SH3BGRL2: variants seen among roughly 807,000 people sequenced by gnomAD.
SH3BGRL2 encodes the protein SH3 domain-binding glutamic acid-rich-like protein 2.
In SH3BGRL2, 21 loss-of-function variants were observed where a neutral mutation model predicts 14.8. The ratio of observed to expected loss-of-function variants is 1.42; its 90% CI spans 1.01 to 2.05. The LOEUF is 2.05. Ranked by LOEUF, SH3BGRL2 falls within the 30% of genes most tolerant of loss-of-function variation. The pLI is 0.00. For missense variants in SH3BGRL2, 147 were observed against 130.8 expected, an observed-to-expected ratio of 1.12 and a Z score of -0.61; for synonymous variants, 50 against 47.8, an observed-to-expected ratio of 1.05 and a Z score of -0.19.
At chr6:79,555,664 C>T in the SH3BGRL2 span, among the ~76,000 whole-genome samples, 1 of 152,010 alleles carries the variant, frequency 6.6e-6, no homozygotes, top group Non-Finnish European at 1.5e-5. Context: ...CGTGCACCAC[C>T]ATGCCCAGCT....
chr6:79,582,110 A>AC, the SH3BGRL2 span, among the ~76,000 whole-genome samples: 1 of 152,176 alleles, frequency 6.6e-6, no homozygotes, highest in Admixed American at 6.6e-5. Flanking sequence ...GGAGAACTAC[A>AC]AACCTCTGCT....
chr6:79,648,333 T>TTA (rs1180383099), intron 1 of SH3BGRL2, among the ~76,000 whole-genome samples: 4 of 141,534 alleles, frequency 2.8e-5, no homozygotes, highest in South Asian at 2.2e-4. Flanking sequence ...CTTATATATA[T>TTA]TATATATATA....
chr6:79,631,366 C>A lies in SH3BGRL2; in HGVS notation c.-96C>A. The A allele has an allele frequency of 8.5e-7, 1 of 1,177,636 alleles. No homozygotes were observed. The highest frequency in any genetic ancestry group is 3.1e-5 in the East Asian group (1 of 31,834). 72.9% of individuals were successfully genotyped at this position (1,177,636 alleles called of 1,614,324 possible). On this transcript the variant is annotated 5_prime_UTR_variant, in exon 1 of 4. Coordinates refer to ENST00000369838, the MANE Select transcript of SH3BGRL2 (RefSeq NM_031469.4). The stretch of plus-strand genomic sequence containing the variant: ...TCTTCCCCGACGGCAGCGCTTTACC[C>A]AGAGGCTGCCGGCGGCTCGTAGCTG...
chr6:79,589,474 C>G, the SH3BGRL2 span, among the ~76,000 whole-genome samples: 1 of 151,988 alleles, frequency 6.6e-6, no homozygotes, highest in East Asian at 1.9e-4. Flanking sequence ...GTCAATCATT[C>G]TATAGTACCA....
chr6:79,611,284 A>G, the SH3BGRL2 span, among the ~76,000 whole-genome samples: 1 of 152,184 alleles, frequency 6.6e-6, no homozygotes, highest in Non-Finnish European at 1.5e-5. Context: ...TTCCTGACAC[A>G]AAGAAGGTAC....
the SH3BGRL2 span, among the ~76,000 whole-genome samples, chr6:79,551,247 A>G: frequency 1.3e-5 from 2 of 152,292 alleles, no homozygotes; most frequent in African/African-American, 4.8e-5. Context: ...TAAAAGTTCT[A>G]TTGAATTATA....
the SH3BGRL2 span, among the ~76,000 whole-genome samples, chr6:79,576,228 G>C: frequency 6.6e-6 from 1 of 151,796 alleles, no homozygotes; most frequent in African/African-American, 2.4e-5. Context: ...TCTTTGTTTA[G>C]GCATAAGCAC....
intron 2 of SH3BGRL2, among the ~76,000 whole-genome samples, chr6:79,693,631 T>G (rs993945174): frequency 2.6e-5 from 4 of 152,142 alleles, no homozygotes; most frequent in Non-Finnish European, 5.9e-5. Context: ...GGTTTTTGTC[T>G]TTGGTTCTGT....
the SH3BGRL2 span, among the ~76,000 whole-genome samples, chr6:79,540,386 G>T: frequency 6.6e-6 from 1 of 152,068 alleles, no homozygotes; most frequent in Non-Finnish European, 1.5e-5. Context: ...AGTGAGCCGA[G>T]ATCGCGCCAC....
At chr6:79,545,536 A>G in the SH3BGRL2 span, among the ~76,000 whole-genome samples, 1 of 152,226 alleles carries the variant, frequency 6.6e-6, no homozygotes, top group Non-Finnish European at 1.5e-5. Flanking sequence ...TTTTGTCTTC[A>G]TAATTATAGG....
the SH3BGRL2 span, among the ~76,000 whole-genome samples, chr6:79,608,368 C>T: frequency 9.2e-5 from 14 of 152,288 alleles, no homozygotes; most frequent in African/African-American, 3.1e-4. Flanking sequence ...CCAAGATGTA[C>T]CAGGATCATC....
chr6:79,700,701 T>C lies in SH3BGRL2; in HGVS notation c.*1192T>C, dbSNP rs1227526405. 6.6e-6 allele frequency: 1 copy of C among 152,252 alleles called. No homozygotes were observed. The highest frequency in any genetic ancestry group is 1.5e-5 in the Non-Finnish European group (1 of 68,042). The allele number at this position is 152,252 out of a possible 1,614,324, so 9.4% of individuals were successfully genotyped here. A position where few individuals can be genotyped will look rare whatever the true frequency, so the allele number is the denominator to read the frequency against. On this transcript the variant is annotated 3_prime_UTR_variant, in exon 4 of 4. Coordinates refer to ENST00000369838, the MANE Select transcript of SH3BGRL2 (RefSeq NM_031469.4). ...GGAATTGTACTTGTCAAGCAAAATC[T>C]ATACTCCTATTGGAGTGGATGCTGA...
chr6:79,621,659 C>G, the SH3BGRL2 span, among the ~76,000 whole-genome samples: 1 of 152,180 alleles, frequency 6.6e-6, no homozygotes, highest in Non-Finnish European at 1.5e-5. Context: ...TGCCACTCAT[C>G]CCCCTTTGTC....
At chr6:79,556,811 A>G in the SH3BGRL2 span, among the ~76,000 whole-genome samples, 1 of 152,012 alleles carries the variant, frequency 6.6e-6, no homozygotes, top group Non-Finnish European at 1.5e-5. Flanking sequence ...TGTAAAATTT[A>G]TAATAAGGAG....
chr6:79,676,212 T>A (rs1354237120), intron 2 of SH3BGRL2, among the ~76,000 whole-genome samples: 1 of 152,126 alleles, frequency 6.6e-6, no homozygotes, highest in East Asian at 1.9e-4. Flanking sequence ...GATTTTCACT[T>A]CCTATCCCTA....
At chr6:79,538,990 A>G in the SH3BGRL2 span, among the ~76,000 whole-genome samples, 2 of 152,200 alleles carry the variant, frequency 1.3e-5, no homozygotes, top group African/African-American at 4.8e-5. Context: ...TAGTGCCTTC[A>G]TTGTGTTTCA....
chr6:79,655,648 C>T (rs1055895907), intron 1 of SH3BGRL2, among the ~76,000 whole-genome samples: 1 of 152,154 alleles, frequency 6.6e-6, no homozygotes, highest in African/African-American at 2.4e-5. Context: ...TCTACATGGT[C>T]ACCTATTCTA....
chr6:79,595,160 CCT>C, the SH3BGRL2 span, among the ~76,000 whole-genome samples: 6 of 152,208 alleles, frequency 3.9e-5, no homozygotes, highest in Non-Finnish European at 8.8e-5. Flanking sequence ...GCGGCCCATG[CCT>C]GTAATTCCAG....
chr6:79,614,745 T>C, the SH3BGRL2 span, among the ~76,000 whole-genome samples: 7 of 151,936 alleles, frequency 4.6e-5, no homozygotes, highest in Non-Finnish European at 8.8e-5. Context: ...GAGTCAGGCT[T>C]GTTGGTGGGA....
Sources: allele counts gnomAD v4.1 joint callset (sites outside exome capture counted in the v4.1 genomes callset), GRCh38; gene constraint gnomAD v4.1.1; transcripts MANE v1.5; gene names NCBI Gene and HGNC (gene_info 2026-07-23, HGNC 2026-07-21).